The following TBL1XR1 variants were observed in gnomAD, a reference collection of about 807,000 sequenced individuals.
TBL1XR1 encodes the protein F-box-like/WD repeat-containing protein TBL1XR1.
TBL1XR1 carries 5 observed loss-of-function variants against 66.9 expected under a neutral mutation model. The ratio of observed to expected loss-of-function variants is 0.07; its 90% CI spans 0.04 to 0.16. The LOEUF (loss-of-function observed/expected upper bound fraction) is 0.16, where lower values mean the gene tolerates loss of function less well. TBL1XR1 is among the 10% of genes least tolerant of loss of function. The pLI, the probability that TBL1XR1 is intolerant of heterozygous loss-of-function variation, is 1.00. For synonymous variants in TBL1XR1, 210 were observed against 206.0 expected (o/e 1.02, Z -0.17); for missense variants, 238 against 623.2 (o/e 0.38, Z 6.58).
chr3:177,195,893 CT>C (rs1410953216), intron 1 of TBL1XR1, among the ~76,000 whole-genome samples: 1 of 152,186 alleles, frequency 6.6e-6, no homozygotes, highest in Admixed American at 6.5e-5. Context: ...CTCTTCACCC[CT>C]GGTGCCTGCA....
At chr3:177,037,939 T>C (rs1466799695) in intron 12 of TBL1XR1, 159 bp downstream of exon 12, 5 of 596,868 alleles carry the variant, frequency 8.4e-6, no homozygotes, top group Non-Finnish European at 1.5e-5. Context: ...AAAGAAACTA[T>C]AAAATTTAAA....
chr3:177,092,932 ATT>A (rs2108648593), intron 2 of TBL1XR1, among the ~76,000 whole-genome samples: 1 of 152,254 alleles, frequency 6.6e-6, no homozygotes, highest in Admixed American at 6.5e-5. Context: ...TATGACTTCT[ATT>A]CAACATAGTA....
chr3:177,125,003 T>C (rs536518747), intron 1 of TBL1XR1, among the ~76,000 whole-genome samples: 9 of 152,110 alleles, frequency 5.9e-5, no homozygotes, highest in African/African-American at 1.9e-4. Flanking sequence ...CTTTATGACC[T>C]TGGATTAGGC....
chr3:177,069,749 AGAAAGGAAAGGAAAGAAAGGAAG>A (rs1435390082), intron 2 of TBL1XR1, among the ~76,000 whole-genome samples: 2 of 146,408 alleles, frequency 1.4e-5, no homozygotes, highest in Non-Finnish European at 3.0e-5. Context: ...AAGAAAAGAA[AGAAAGGAAAGGAAAGAAAGGAAG>A]GAAAGGAAGG....
rs1267798118 is a variant in TBL1XR1 at position 177,183,155 on chromosome 3, G to A, written c.-122+13966C>T. Among the ~76,000 whole-genome samples the A allele has an allele frequency of 4.6e-5, 7 of 152,200 alleles. No homozygotes were observed. The East Asian group carries it at 7.7e-4, about 17-fold the overall frequency. ...TCCATGCTCTGTCATTCAGAACGTC[G>A]ACGTTTCTGAGTACTGACTCTAAAT... On this transcript the variant is annotated intron_variant, in intron 1 of 15. Transcript: ENST00000457928.
chr3:177,030,979 G>A (rs1288157098), intron 14 of TBL1XR1, among the ~76,000 whole-genome samples: 1 of 152,118 alleles, frequency 6.6e-6, no homozygotes, highest in Non-Finnish European at 1.5e-5. Flanking sequence ...GGGTGTGGTG[G>A]CAGGCACCTA....
At chr3:177,200,997 A>G (rs1316205646), upstream of TBL1XR1, among the ~76,000 whole-genome samples, 3 of 150,736 alleles carry the variant, frequency 2.0e-5, no homozygotes, top group Non-Finnish European at 4.4e-5. Flanking sequence ...ACAGAGTGAG[A>G]CTCCGTCTCA....
rs1204348934 is a variant in TBL1XR1, at chr3:177,021,609, GTAA to G, written c.*3886_*3888del. The stretch of plus-strand genomic sequence containing the variant: ...CACTTCAGAGCTACTACTGGAAGGA[GTAA>G]TTCATAACTTCCCTACCCTCCTTCC... On this transcript the variant is annotated 3_prime_UTR_variant, in exon 16 of 16. Coordinates refer to ENST00000457928, the MANE Select transcript of TBL1XR1 (RefSeq NM_024665.7). 2.6e-5 allele frequency: 4 copies of G among 152,598 alleles called. No homozygotes were observed. The highest frequency in any genetic ancestry group is 2.1e-4 in the South Asian group (1 of 4,820). 9.5% of individuals were successfully genotyped at this position (152,598 alleles called of 1,614,324 possible). A position where few individuals can be genotyped will look rare whatever the true frequency, so the allele number is the denominator to read the frequency against.
Position 177,112,111 on chromosome 3 carries a change from T to A in TBL1XR1, c.-121-13570A>T, listed in dbSNP as rs866544214. 7.1e-3 allele frequency among the ~76,000 whole-genome samples: 417 copies of A among 58,520 alleles called. 1 individual carries two copies. Among genetic ancestry groups the A allele is most frequent in the African/African-American group, 0.011 (142 of 12,700 alleles). The allele number at this position is 58,520 out of a possible 152,430, so 38.4% of individuals were successfully genotyped here. A position where few individuals can be genotyped will look rare whatever the true frequency, so the allele number is the denominator to read the frequency against. Reference sequence around the variant, plus strand: ...TATATATATATATATATATATATTTTTTTTTTTTTTTTTTGTGAGGGGCTC... The same window carrying A: ...TATATATATATATATATATATATTTATTTTTTTTTTTTTTGTGAGGGGCTC... On this transcript the variant is annotated intron_variant, in intron 1 of 15. Transcript: ENST00000457928.
At chr3:177,183,879 G>A (rs1366487151) in intron 1 of TBL1XR1, among the ~76,000 whole-genome samples, 1 of 151,956 alleles carries the variant, frequency 6.6e-6, no homozygotes, top group African/African-American at 2.4e-5. Context: ...AGGCAAGGTG[G>A]ATCACCTGAA....
chr3:177,183,315 G>A (rs1735043254), intron 1 of TBL1XR1, among the ~76,000 whole-genome samples: 1 of 152,166 alleles, frequency 6.6e-6, no homozygotes, highest in African/African-American at 2.4e-5. Context: ...GAAAATGTGT[G>A]TGCATAAGTT....
At chr3:177,053,185 C>T (rs918233267) in intron 4 of TBL1XR1, among the ~76,000 whole-genome samples, 1 of 152,110 alleles carries the variant, frequency 6.6e-6, no homozygotes, top group Non-Finnish European at 1.5e-5. Flanking sequence ...AAAGAGTAGA[C>T]AGTAAATATT....
At chr3:177,094,196 T>C (rs753686335) in intron 2 of TBL1XR1, among the ~76,000 whole-genome samples, 30 of 151,730 alleles carry the variant, frequency 2.0e-4, no homozygotes, top group Non-Finnish European at 2.8e-4. Flanking sequence ...TCAAAAGATA[T>C]ACAAATGACC....
At chr3:177,200,529 C>T (rs1057222051), upstream of TBL1XR1, among the ~76,000 whole-genome samples, 8 of 152,104 alleles carry the variant, frequency 5.3e-5, no homozygotes, top group African/African-American at 1.9e-4. Flanking sequence ...ATCAGGGCTG[C>T]ACCAAAATAC....
chr3:177,166,310 C>T (rs976040695), intron 1 of TBL1XR1, among the ~76,000 whole-genome samples: 1 of 152,130 alleles, frequency 6.6e-6, no homozygotes, highest in African/African-American at 2.4e-5. Flanking sequence ...GGGAAACATA[C>T]AACCCTATTT....
At chr3:177,109,588 C>A (rs541102224) in intron 1 of TBL1XR1, among the ~76,000 whole-genome samples, 1 of 152,172 alleles carries the variant, frequency 6.6e-6, no homozygotes, top group South Asian at 2.1e-4. Context: ...CCCTTTACAT[C>A]GAGTTACTAT....
chr3:177,112,095 A>T (rs1336198426), intron 1 of TBL1XR1, among the ~76,000 whole-genome samples: 5 of 48,064 alleles, frequency 1.0e-4, no homozygotes, highest in East Asian at 1.5e-3. Context: ...ATATATATAT[A>T]TATATATATA....
At chr3:177,118,439 AG>A (rs1311086366) in intron 1 of TBL1XR1, among the ~76,000 whole-genome samples, 1 of 152,216 alleles carries the variant, frequency 6.6e-6, no homozygotes, top group East Asian at 1.9e-4. Flanking sequence ...TTTTATCCAA[AG>A]GCATGACTAG....
chr3:177,143,456 T>C (rs1025942389), intron 1 of TBL1XR1, among the ~76,000 whole-genome samples: 4 of 152,202 alleles, frequency 2.6e-5, no homozygotes, highest in African/African-American at 9.7e-5. Context: ...ATTTTAAAAC[T>C]TGTAAATGCT....
Sources: gnomAD v4.1 joint callset for allele counts (sites outside exome capture counted in the v4.1 genomes callset) on GRCh38, gnomAD v4.1.1 for gene constraint, MANE v1.5 for transcripts, NCBI Gene and HGNC (gene_info 2026-07-23, HGNC 2026-07-21) for gene names.